FADS1: variants seen among roughly 807,000 people sequenced by gnomAD.
FADS1 encodes fatty acid desaturase 1, also known as acyl-CoA (8-3)-desaturase.
A neutral mutation model predicts 61.6 loss-of-function variants in FADS1; 17 were observed. The ratio of observed to expected loss-of-function variants is 0.28; its 90% CI spans 0.19 to 0.41. The LOEUF (loss-of-function observed/expected upper bound fraction) is 0.41. Ranked by LOEUF, FADS1 falls within the 10% of genes least tolerant of loss-of-function variation. FADS1 has a pLI of 1.00. For synonymous variants in FADS1, 238 were observed against 258.7 expected, an observed-to-expected ratio of 0.92 and a Z score of 0.77; for missense variants, 387 against 650.9, an observed-to-expected ratio of 0.59 and a Z score of 4.41.
intron 6 of FADS1, 110 bp from the exon 7 acceptor site, chr11:61,804,871 TC>T: frequency 1.1e-6 from 1 of 871,244 alleles, no homozygotes; most frequent in Non-Finnish European, 1.9e-6. Flanking sequence ...CTTCCAACCA[TC>T]CCTTCTGTCT....
Position 61,816,429 on chromosome 11 carries a change from A to G in FADS1, c.375+126T>C. The G allele has an allele frequency of 6.3e-7, 1 of 1,598,894 alleles. No individual in the cohort carries two copies. The highest frequency in any genetic ancestry group is 8.5e-7 in the Non-Finnish European group (1 of 1,179,796). On this transcript the variant is annotated intron_variant, in intron 1 of 11. Transcript: ENST00000350997. The surrounding 1 kb of genome is among the most constrained non-coding windows in gnomAD (Gnocchi z 7.0). ...GACACCCAATCACCGGGCAACAGGT[A>G]TGATCAGGCGCCTCCGGGCTTTCCT...
intron 7 of FADS1, chr11:61,804,432 C>G (rs1320675055): frequency 2.2e-6 from 1 of 447,514 alleles, no homozygotes; most frequent in Middle Eastern, 5.7e-4. Flanking sequence ...CCCAACTCAG[C>G]CCCCTGGCAT....
chr11:61,816,109 G>A lies in FADS1; in HGVS notation c.375+446C>T, dbSNP rs2066979437. The A allele has an allele frequency of 1.5e-6, 1 of 673,008 alleles. No individual in the cohort carries two copies. The highest frequency in any genetic ancestry group is 2.5e-6 in the Non-Finnish European group (1 of 403,646). 41.7% of individuals were successfully genotyped at this position (673,008 alleles called of 1,614,324 possible). ...CTGGCGAGTGGAGACCGGCACCTAGGTCCAGACGCGGCTGCGCTGCCTCTC... is the reference window on the plus strand; with the variant it reads ...CTGGCGAGTGGAGACCGGCACCTAGATCCAGACGCGGCTGCGCTGCCTCTC... On this transcript the variant is annotated intron_variant, in intron 1 of 11. Coordinates refer to ENST00000350997, the MANE Select transcript of FADS1 (RefSeq NM_013402.7). This position sits in a 1 kb window ranked among gnomAD's most constrained non-coding sequence, Gnocchi z 7.0.
intron 5 of FADS1, among the ~76,000 whole-genome samples, chr11:61,808,352 A>G (rs1457999041): frequency 1.3e-5 from 2 of 150,184 alleles, no homozygotes; most frequent in African/African-American, 4.9e-5. Context: ...AAAAAAAAAG[A>G]TCTGGGACCC....
chr11:61,816,858 A>T lies in FADS1; in HGVS notation c.72T>A (p.Ala24=), dbSNP rs113305638. The T allele has an allele frequency of 6.7e-7, 1 of 1,481,892 alleles. No homozygotes were observed. Among genetic ancestry groups the T allele is most frequent in the Admixed American group, 2.4e-5 (1 of 41,350 alleles). 91.8% of individuals were successfully genotyped at this position (1,481,892 alleles called of 1,614,324 possible). The change falls in exon 1 of 12, where the codon GCT becomes GCA. Residue 24 remains alanine (A), a synonymous_variant. Coordinates refer to ENST00000350997, the MANE Select transcript of FADS1 (RefSeq NM_013402.7). This position sits in a 1 kb window ranked among gnomAD's most constrained non-coding sequence, Gnocchi z 7.0. ...AGTGGATTTGCTGGCGCGCGCCCAG[A>T]GCCAGCCGCCTGCGCGCCGGGTTTT... ...GAENPARRRL[A]LGARQQIHSW... is the part of the protein sequence containing the mutation.
chr11:61,816,113 A>C lies in FADS1; in HGVS notation c.375+442T>G. On this transcript the variant is annotated intron_variant, in intron 1 of 11. Coordinates refer to ENST00000350997, the MANE Select transcript of FADS1 (RefSeq NM_013402.7). The surrounding 1 kb of genome is among the most constrained non-coding windows in gnomAD (Gnocchi z 7.0). ...CGAGTGGAGACCGGCACCTAGGTCC[A>C]GACGCGGCTGCGCTGCCTCTCCTAG... The C allele has an allele frequency of 1.4e-6, 1 of 690,876 alleles. No individual in the cohort carries two copies. Among genetic ancestry groups the C allele is most frequent in the East Asian group, 2.7e-5 (1 of 36,552 alleles). 42.8% of individuals were successfully genotyped at this position (690,876 alleles called of 1,614,324 possible). A position where few individuals can be genotyped will look rare whatever the true frequency, so the allele number is the denominator to read the frequency against.
intron 1 of FADS1, chr11:61,814,944 G>A (rs1339268868): frequency 2.0e-5 from 3 of 153,012 alleles, no homozygotes; most frequent in African/African-American, 7.2e-5. Context: ...CAAAAACCAC[G>A]AAGAGGAAGA....
rs12224621 is a variant in FADS1, at chr11:61,808,291, G to A, written c.916-1567C>T. On this transcript the variant is annotated intron_variant, in intron 5 of 11. Transcript: ENST00000350997. ...GCGGAGGTTGTAGTGAGCTGAGACC[G>A]CACCATTGCACTTCAGCCTGGGTGA... 2.6e-4 allele frequency among the ~76,000 whole-genome samples: 40 copies of A among 151,244 alleles called. 1 individual carries two copies. In the East Asian group the frequency reaches 7.2e-3, roughly 27 times the overall value.
In FADS1 at chr11:61,802,320, T is replaced by A. The variant is rs2044075383; in HGVS notation, c.*91A>T. The A allele has an allele frequency of 8.7e-7, 1 of 1,153,684 alleles. No individual in the cohort carries two copies. The highest frequency in any genetic ancestry group is 1.5e-5 in the African/African-American group (1 of 65,262). The allele number at this position is 1,153,684 out of a possible 1,614,324, so 71.5% of individuals were successfully genotyped here. A position where few individuals can be genotyped will look rare whatever the true frequency, so the allele number is the denominator to read the frequency against. On this transcript the variant is annotated 3_prime_UTR_variant, in exon 12 of 12. Transcript: ENST00000350997. The surrounding 1 kb of genome is among the most constrained non-coding windows in gnomAD (Gnocchi z 4.2). ...CCCAAACCCAACCCCCTCTGAGTAT[T>A]AAACTATAGTGGCATTGTCCCTCAA...
chr11:61,809,565 G>T (rs1390683344), intron 5 of FADS1, among the ~76,000 whole-genome samples: 2 of 152,144 alleles, frequency 1.3e-5, no homozygotes, highest in Admixed American at 1.3e-4. Flanking sequence ...GTACCAAGAA[G>T]CAATAAAGGT....
At position 61,816,456 on chromosome 11, in the gene FADS1, C is replaced by T. The variant is rs59824480; in HGVS notation, c.375+99G>A. On this transcript the variant is annotated intron_variant, in intron 1 of 11. Coordinates refer to ENST00000350997, the MANE Select transcript of FADS1 (RefSeq NM_013402.7). The surrounding 1 kb of genome is among the most constrained non-coding windows in gnomAD (Gnocchi z 7.0). Reference sequence around the variant, plus strand: ...GATCAGGCGCCTCCGGGCTTTCCTCCGAATTAGTCGGTGTTTGGCTCGGAG... The same window carrying T: ...GATCAGGCGCCTCCGGGCTTTCCTCTGAATTAGTCGGTGTTTGGCTCGGAG... 1.2e-6 allele frequency: 2 copies of T among 1,600,278 alleles called. No homozygotes were observed. The highest frequency in any genetic ancestry group is 1.7e-6 in the Non-Finnish European group (2 of 1,179,726).
chr11:61,803,127 AG>A lies in FADS1; in HGVS notation c.1249-17del. 6.2e-7 allele frequency: 1 copy of A among 1,613,378 alleles called. No individual in the cohort carries two copies. The stretch of plus-strand genomic sequence containing the variant: ...TGGCCTGGAGCTGGCGGAAAAGGTC[AG>A]GGGAGAGCATGTTGAATATCAGATG... On this transcript the variant is annotated splice_polypyrimidine_tract_variant and intron_variant, in intron 9 of 11. Coordinates refer to ENST00000350997, the MANE Select transcript of FADS1 (RefSeq NM_013402.7). The surrounding 1 kb of genome is among the most constrained non-coding windows in gnomAD (Gnocchi z 4.3).
At position 61,816,677 on chromosome 11, in the gene FADS1, G is replaced by T; in HGVS notation, c.253C>A (p.Arg85Ser). 1.9e-6 allele frequency: 3 copies of T among 1,591,932 alleles called. No individual in the cohort carries two copies. Among genetic ancestry groups the T allele is most frequent in the Non-Finnish European group, 2.6e-6 (3 of 1,169,980 alleles). The change falls in exon 1 of 12, where the codon CGC (arginine) becomes AGC (serine). Residue 85 changes from arginine to serine, a missense_variant. Arg to Ser is a moderately radical substitution (Grantham distance 110). Transcript: ENST00000350997. The surrounding 1 kb of genome is among the most constrained non-coding windows in gnomAD (Gnocchi z 7.0). ...RYFTWDEVAQ[R>S]SGCEERWLVI... ...AGCCACCGCTCCTCGCACCCTGAGC[G>T]CTGGGCCACCTCGTCCCAGGTGAAG...
In FADS1 at chr11:61,816,892, C is replaced by T. The variant is rs1473227606; in HGVS notation, c.38G>A (p.Cys13Tyr). ...CCTGCGCGCCGGGTTTTCAGCACCG[C>T]AGGGCAGACCGGCGGGCCTCGCAGC... ...TRAARPAGLPCGAENPARRRL... is the reference protein window; with the variant it reads ...TRAARPAGLPYGAENPARRRL... The change falls in exon 1 of 12, where the codon TGC (cysteine) becomes TAC (tyrosine). Residue 13 changes from cysteine (C) to tyrosine (Y), a missense_variant. Coordinates refer to ENST00000350997, the MANE Select transcript of FADS1 (RefSeq NM_013402.7). This position sits in a 1 kb window ranked among gnomAD's most constrained non-coding sequence, Gnocchi z 7.0. 7.0e-7 allele frequency: 1 copy of T among 1,435,174 alleles called. No homozygotes were observed. Among genetic ancestry groups the T allele is most frequent in the Non-Finnish European group, 9.0e-7 (1 of 1,106,724 alleles). The allele number at this position is 1,435,174 out of a possible 1,614,324, so 88.9% of individuals were successfully genotyped here.
At position 61,802,224 on chromosome 11, in the gene FADS1, C is replaced by A; in HGVS notation, c.*187G>T. On this transcript the variant is annotated 3_prime_UTR_variant, in exon 12 of 12. Transcript: ENST00000350997. The surrounding 1 kb of genome is among the most constrained non-coding windows in gnomAD (Gnocchi z 4.2). ...TCCCTCCTAGGGACTTCTGTGTCCA[C>A]CCCCCACTTTGGGTCTTAGAACTGT... is the stretch of plus-strand genomic sequence containing the variant. The A allele has an allele frequency of 3.3e-6, 2 of 604,860 alleles. No homozygotes were observed. Among genetic ancestry groups the A allele is most frequent in the East Asian group, 2.8e-5 (1 of 35,496 alleles). 37.5% of individuals were successfully genotyped at this position (604,860 alleles called of 1,614,324 possible).
rs1248311104 is a variant in FADS1, at chr11:61,800,121, A to G, written c.*2290T>C. 1 of 152,786 alleles carries G rather than the reference A, an allele frequency of 6.5e-6. No individual in the cohort carries two copies. The highest frequency in any genetic ancestry group is 1.5e-5 in the Non-Finnish European group (1 of 68,050). 9.5% of individuals were successfully genotyped at this position (152,786 alleles called of 1,614,324 possible). The stretch of plus-strand genomic sequence containing the variant: ...CACCCAAAAGGTGGCAAAGAATAGG[A>G]ATAGGAAGGATCAGCACCTATTTTG... On this transcript the variant is annotated 3_prime_UTR_variant, in exon 12 of 12. Coordinates refer to ENST00000350997, the MANE Select transcript of FADS1 (RefSeq NM_013402.7).
Position 61,800,702 on chromosome 11 carries a change from C to T in FADS1, c.*1709G>A, listed in dbSNP as rs2066850769. On this transcript the variant is annotated 3_prime_UTR_variant, in exon 12 of 12. Coordinates refer to ENST00000350997, the MANE Select transcript of FADS1 (RefSeq NM_013402.7). ...TCTTTTCCTCCTAGTTTGAGGTTCT[C>T]TTCTCCCAGTGTCTAAAATGATCAA... The T allele has an allele frequency of 6.6e-6, 1 of 152,432 alleles. No individual in the cohort carries two copies. Among genetic ancestry groups the T allele is most frequent in the Non-Finnish European group, 1.5e-5 (1 of 68,042 alleles). The allele number at this position is 152,432 out of a possible 1,614,324, so 9.4% of individuals were successfully genotyped here.
At chr11:61,805,455 CCTT>C (rs2066886456) in intron 6 of FADS1, 1 of 152,182 alleles carries the variant, frequency 6.6e-6, no homozygotes, top group Non-Finnish European at 1.5e-5. Context: ...TTTCTGTAGC[CCTT>C]CTCTGTGGCA....
At position 61,813,297 on chromosome 11, in the gene FADS1, A is replaced by G; in HGVS notation, c.432T>C (p.Ser144=). The G allele has an allele frequency of 6.2e-7, 1 of 1,613,658 alleles. No individual in the cohort carries two copies. The highest frequency in any genetic ancestry group is 1.7e-5 in the Admixed American group (1 of 59,958). ...NKGLVKKYMN[S]LLIGELSPEQ... Reference sequence around the variant, plus strand: ...CTGGAGACAGTTCTCCAATCAGGAGAGAGTTCATATACTTCTTCACAAGGC... The same window carrying G: ...CTGGAGACAGTTCTCCAATCAGGAGGGAGTTCATATACTTCTTCACAAGGC... The change falls in exon 2 of 12, where the codon TCT becomes TCC. Residue 144 remains serine, a synonymous_variant. Transcript: ENST00000350997.
Sources: allele counts gnomAD v4.1 joint callset (sites outside exome capture counted in the v4.1 genomes callset), GRCh38; gene constraint gnomAD v4.1.1; non-coding constraint Gnocchi (gnomAD v3.1); transcripts MANE v1.5; gene names NCBI Gene and HGNC (gene_info 2026-07-23, HGNC 2026-07-21).